The following C16orf87 variants were observed in gnomAD, a reference collection of about 807,000 sequenced individuals.
The protein encoded by C16orf87 is UPF0547 protein C16orf87.
In C16orf87, 13 loss-of-function variants were observed where a neutral mutation model predicts 21.0. That is an observed-to-expected ratio of 0.62 (90% CI 0.40 to 0.98). The LOEUF is 0.98. Among genes scored for constraint, C16orf87 ranks in the 50% least tolerant of loss-of-function variants. C16orf87 has a pLI of 0.00. For synonymous variants in C16orf87, 49 were observed against 60.2 expected, an observed-to-expected ratio of 0.81 and a Z score of 0.86; for missense variants, 113 against 180.4, an observed-to-expected ratio of 0.63 and a Z score of 2.14.
rs1167424089 is a variant in C16orf87, at chr16:46,796,606, A to AT, written c.*6345dup. ...AAATGGTAAGTATACATGATAATGCATATGTTCATTATCTTTACTTTAGAC... is the reference window on the plus strand; with the variant it reads ...AAATGGTAAGTATACATGATAATGCATTATGTTCATTATCTTTACTTTAGAC... On this transcript the variant is annotated 3_prime_UTR_variant, in exon 4 of 4. Transcript: ENST00000285697. 1 of 152,264 alleles carries AT rather than the reference A, an allele frequency of 6.6e-6. No homozygotes were observed. The highest frequency in any genetic ancestry group is 2.4e-5 in the African/African-American group (1 of 41,472). 9.4% of individuals were successfully genotyped at this position (152,264 alleles called of 1,614,324 possible).
chr16:46,816,269 G>A (rs1488223462), intron 2 of C16orf87, among the ~76,000 whole-genome samples: 2 of 152,164 alleles, frequency 1.3e-5, no homozygotes, highest in Non-Finnish European at 2.9e-5. Context: ...TGGGTACACG[G>A]TTTCAGTTTG....
At chr16:46,804,617 G>A (rs1325853650) in intron 3 of C16orf87, among the ~76,000 whole-genome samples, 1 of 152,160 alleles carries the variant, frequency 6.6e-6, no homozygotes, top group Non-Finnish European at 1.5e-5. Context: ...TAAAATCAAT[G>A]ATAAATTTAC....
intron 2 of C16orf87, among the ~76,000 whole-genome samples, chr16:46,813,978 A>C (rs1968171762): frequency 1.3e-5 from 2 of 152,222 alleles, no homozygotes; most frequent in Admixed American, 1.3e-4. Context: ...CTGTTGAATA[A>C]ATAAAATCGG....
chr16:46,830,919 G>A, intron 1 of C16orf87, 165 bp downstream of exon 1: 2 of 415,890 alleles, frequency 4.8e-6, no homozygotes, highest in Non-Finnish European at 8.4e-6. Context: ...CTTTTCCCGG[G>A]AAACCCCTCG....
At chr16:46,819,835 G>A (rs554562582) in intron 2 of C16orf87, among the ~76,000 whole-genome samples, 50 of 151,960 alleles carry the variant, frequency 3.3e-4, no homozygotes, top group African/African-American at 9.9e-4. Flanking sequence ...TTAGCCGGGT[G>A]TGGTGACACA....
chr16:46,827,649 C>T (rs1362099136), intron 1 of C16orf87, among the ~76,000 whole-genome samples: 1 of 151,722 alleles, frequency 6.6e-6, no homozygotes, highest in Non-Finnish European at 1.5e-5. Flanking sequence ...ATGGCGCGAT[C>T]TTGGCTCACT....
chr16:46,824,289 C>T lies in C16orf87; in HGVS notation c.163+97G>A, dbSNP rs535430627. 1.2e-5 allele frequency: 8 copies of T among 652,142 alleles called. No homozygotes were observed. In the Admixed American group the frequency reaches 1.3e-4, roughly 11 times the overall value. 40.4% of individuals were successfully genotyped at this position (652,142 alleles called of 1,614,324 possible). ...CCAAAAACACTTGAATAGATTTAAA[C>T]TTTTAACTTCAACAAAAAATGTAAA... On this transcript the variant is annotated intron_variant, in intron 2 of 3. Coordinates refer to ENST00000285697, the MANE Select transcript of C16orf87 (RefSeq NM_001001436.4).
At chr16:46,827,239 G>A (rs1199274254) in intron 1 of C16orf87, among the ~76,000 whole-genome samples, 4 of 151,610 alleles carry the variant, frequency 2.6e-5, no homozygotes, top group African/African-American at 9.7e-5. Context: ...CCTCTGCCCT[G>A]GAAAACAAAA....
chr16:46,819,898 C>T (rs1959344344), intron 2 of C16orf87, among the ~76,000 whole-genome samples: 1 of 151,688 alleles, frequency 6.6e-6, no homozygotes, highest in South Asian at 2.1e-4. Context: ...GGGTTGAATC[C>T]AGGAGGCAGA....
chr16:46,806,468 C>T (rs983457530), intron 3 of C16orf87, among the ~76,000 whole-genome samples: 2 of 152,038 alleles, frequency 1.3e-5, no homozygotes, highest in African/African-American at 4.8e-5. Context: ...ACCATGTTGG[C>T]CAGGATGGTC....
At chr16:46,809,509 A>G (rs1968021270) in intron 3 of C16orf87, 94 bp downstream of exon 3, 2 of 742,710 alleles carry the variant, frequency 2.7e-6, no homozygotes, top group Non-Finnish European at 4.4e-6. Context: ...TTTTAAGTCC[A>G]GGAGCTCAAT....
At chr16:46,812,751 T>G (rs2052236) in intron 2 of C16orf87, among the ~76,000 whole-genome samples, 1 of 152,080 alleles carries the variant, frequency 6.6e-6, no homozygotes, top group Non-Finnish European at 1.5e-5. Flanking sequence ...GCCTTCAGTT[T>G]TTCATCTCCC....
intron 2 of C16orf87, among the ~76,000 whole-genome samples, chr16:46,810,484 C>T (rs928615364): frequency 4.0e-5 from 6 of 151,680 alleles, no homozygotes; most frequent in Middle Eastern, 3.2e-3. Flanking sequence ...AAAAACAAAA[C>T]AAAAACAAAA....
chr16:46,824,545 C>G (rs1337815180), intron 1 of C16orf87, 63 bp from the exon 2 acceptor site: 2 of 657,662 alleles, frequency 3.0e-6, no homozygotes. Flanking sequence ...TTCTCAGTGT[C>G]TATGTGGTCT....
chr16:46,828,985 G>A (rs1226425541), intron 1 of C16orf87, among the ~76,000 whole-genome samples: 3 of 152,086 alleles, frequency 2.0e-5, no homozygotes, highest in African/African-American at 7.2e-5. Flanking sequence ...ATTAAATTAT[G>A]TACTAGTTTG....
chr16:46,806,004 T>A (rs927498295), intron 3 of C16orf87, among the ~76,000 whole-genome samples: 2 of 152,166 alleles, frequency 1.3e-5, no homozygotes, highest in Admixed American at 1.3e-4. Context: ...ATTATTTACC[T>A]TTTTCAAAGG....
At chr16:46,810,023 G>A (rs777860748) in intron 2 of C16orf87, among the ~76,000 whole-genome samples, 1 of 152,130 alleles carries the variant, frequency 6.6e-6, no homozygotes, top group Non-Finnish European at 1.5e-5. Context: ...GAGAAAACAA[G>A]TTTCTTCATT....
At chr16:46,830,917 G>T (rs1959832577) in intron 1 of C16orf87, 167 bp downstream of exon 1, 1 of 412,756 alleles carries the variant, frequency 2.4e-6, no homozygotes, top group Non-Finnish European at 4.2e-6. Flanking sequence ...GGCTTTTCCC[G>T]GGAAACCCCT....
rs1967801765 is a variant in C16orf87, at chr16:46,802,340, T to C, written c.*612A>G. 6.6e-6 allele frequency: 1 copy of C among 152,132 alleles called. No homozygotes were observed. Among genetic ancestry groups the C allele is most frequent in the African/African-American group, 2.4e-5 (1 of 41,334 alleles). 9.4% of individuals were successfully genotyped at this position (152,132 alleles called of 1,614,324 possible). On this transcript the variant is annotated 3_prime_UTR_variant, in exon 4 of 4. Coordinates refer to ENST00000285697, the MANE Select transcript of C16orf87 (RefSeq NM_001001436.4). ...TATAGCACCCAAACTTCAAACTGTC[T>C]AGAAAGTATCTCCTAAAATATAACT... is the stretch of plus-strand genomic sequence containing the variant.
Sources: gnomAD v4.1 joint callset for allele counts (sites outside exome capture counted in the v4.1 genomes callset) on GRCh38, gnomAD v4.1.1 for gene constraint, MANE v1.5 for transcripts, NCBI Gene and HGNC (gene_info 2026-07-23, HGNC 2026-07-21) for gene names.